INTS9: variants seen among roughly 807,000 people sequenced by gnomAD.
INTS9 encodes integrator complex subunit 9, also known as protein related to CPSF subunits of 74 kDa.
In INTS9, 55 loss-of-function variants were observed where a neutral mutation model predicts 79.7. That is an observed-to-expected ratio of 0.69 (90% CI 0.56 to 0.86). INTS9 has a LOEUF of 0.86. Ranked by LOEUF, INTS9 falls within the 40% of genes least tolerant of loss-of-function variation. INTS9 has a pLI of 0.00. For synonymous variants in INTS9, 319 were observed against 325.2 expected, an observed-to-expected ratio of 0.98 and a Z score of 0.20; for missense variants, 721 against 831.5, an observed-to-expected ratio of 0.87 and a Z score of 1.64.
chr8:28,834,910 C>G (rs1416848419), intron 6 of INTS9, among the ~76,000 whole-genome samples: 1 of 152,334 alleles, frequency 6.6e-6, no homozygotes, highest in East Asian at 1.9e-4. Flanking sequence ...CTCCCAAACT[C>G]AGGTGATCTG....
At chr8:28,808,624 C>T (rs1427215477) in intron 8 of INTS9, among the ~76,000 whole-genome samples, 1 of 152,222 alleles carries the variant, frequency 6.6e-6, no homozygotes, top group Admixed American at 6.5e-5. Context: ...CAACAAATGT[C>T]CCTCTGCCAA....
At chr8:28,880,250 CTCTCCCTCTCCCTCTCCCTCTCCCTCT>C (rs1424742309) in intron 1 of INTS9, among the ~76,000 whole-genome samples, 2 of 141,864 alleles carry the variant, frequency 1.4e-5, no homozygotes, top group African/African-American at 5.5e-5. Flanking sequence ...CTCCCTCTCC[CTCTCCCTCTCCCTCTCCCTCTCCCTCT>C]CTCTCCCTCC....
chr8:28,775,501 A>G (rs900221554), intron 14 of INTS9, among the ~76,000 whole-genome samples: 1 of 152,020 alleles, frequency 6.6e-6, no homozygotes. Flanking sequence ...ACACCTGGCT[A>G]CTTTTTTTGT....
intron 1 of INTS9, among the ~76,000 whole-genome samples, chr8:28,871,629 C>A (rs988645555): frequency 2.0e-5 from 3 of 152,098 alleles, no homozygotes; most frequent in Non-Finnish European, 4.4e-5. Context: ...TGGTCCTGAA[C>A]TCCTGGGCTC....
intron 4 of INTS9, among the ~76,000 whole-genome samples, chr8:28,846,491 A>G (rs1385543126): frequency 6.6e-6 from 1 of 152,212 alleles, no homozygotes; most frequent in Non-Finnish European, 1.5e-5. Context: ...GCTCAAAACT[A>G]TGCCCTACTA....
At chr8:28,805,255 C>T (rs564944345) in intron 8 of INTS9, among the ~76,000 whole-genome samples, 2 of 152,136 alleles carry the variant, frequency 1.3e-5, no homozygotes, top group Non-Finnish European at 2.9e-5. Context: ...TGACAACAAG[C>T]GATACAAGTG....
At chr8:28,843,732 C>CTT (rs1296506436) in intron 4 of INTS9, among the ~76,000 whole-genome samples, 1 of 143,192 alleles carries the variant, frequency 7.0e-6, no homozygotes, top group Non-Finnish European at 1.5e-5. Flanking sequence ...CTTCCTTTTT[C>CTT]TTTTTTTTTT....
intron 1 of INTS9, among the ~76,000 whole-genome samples, chr8:28,881,323 G>A (rs1809777763): frequency 7.1e-6 from 1 of 140,214 alleles, no homozygotes; most frequent in African/African-American, 2.7e-5. Flanking sequence ...CCCCCGCCTG[G>A]CCAGCCGCCC....
rs1209577991 is a variant in INTS9, at chr8:28,808,287, G to C, written c.744+4040C>G. ...CGGCTCACTGCAACCTCCACCTCCT[G>C]GGTTCAAGCGATTCTCCTGCCTCAG... is the stretch of plus-strand genomic sequence containing the variant. On this transcript the variant is annotated intron_variant, in intron 8 of 16. Coordinates refer to ENST00000521022, the MANE Select transcript of INTS9 (RefSeq NM_018250.4). 4.0e-5 allele frequency among the ~76,000 whole-genome samples: 6 copies of C among 151,438 alleles called. No homozygotes were observed. In the East Asian group the frequency reaches 1.2e-3, roughly 30 times the overall value.
rs1304693130 is a variant in INTS9, at chr8:28,889,862, G to A, written c.9+12C>T. The A allele has an allele frequency of 2.5e-6, 4 of 1,613,792 alleles. No homozygotes were observed. The highest frequency in any genetic ancestry group is 3.4e-6 in the Non-Finnish European group (4 of 1,179,884). ...ATCACCTTTGCCCTCTGACCTAGGA[G>A]CGAAGACTCACCAGTTTCATAATGG... On this transcript the variant is annotated intron_variant, in intron 1 of 16. Coordinates refer to ENST00000521022, the MANE Select transcript of INTS9 (RefSeq NM_018250.4).
At chr8:28,864,712 A>G (rs768188562) in intron 1 of INTS9, among the ~76,000 whole-genome samples, 2 of 152,320 alleles carry the variant, frequency 1.3e-5, no homozygotes, top group African/African-American at 4.8e-5. Context: ...TGAGAATGAG[A>G]TATGGAATCC....
At chr8:28,879,636 A>T (rs922517955) in intron 1 of INTS9, among the ~76,000 whole-genome samples, 1 of 152,210 alleles carries the variant, frequency 6.6e-6, no homozygotes, top group African/African-American at 2.4e-5. Context: ...CCACACAGTC[A>T]TAACAGCCAA....
At chr8:28,870,716 T>A (rs1271600494) in intron 1 of INTS9, among the ~76,000 whole-genome samples, 1 of 151,480 alleles carries the variant, frequency 6.6e-6, no homozygotes, top group Non-Finnish European at 1.5e-5. Context: ...TACTAGGGAG[T>A]TGCTGGTCAC....
chr8:28,801,942 A>C (rs963469254), intron 8 of INTS9, among the ~76,000 whole-genome samples: 30 of 152,142 alleles, frequency 2.0e-4, no homozygotes, highest in African/African-American at 7.0e-4. Context: ...CCTCAAGAAA[A>C]TGAGCCAATA....
chr8:28,852,982 C>T (rs1017235983), intron 2 of INTS9, among the ~76,000 whole-genome samples: 1 of 152,130 alleles, frequency 6.6e-6, no homozygotes, highest in Non-Finnish European at 1.5e-5. Context: ...TTACTGTGTT[C>T]CAATGAGTTA....
At chr8:28,864,850 G>C (rs1808649261) in intron 1 of INTS9, among the ~76,000 whole-genome samples, 1 of 152,048 alleles carries the variant, frequency 6.6e-6, no homozygotes, top group Admixed American at 6.6e-5. Context: ...GCCCAGCATG[G>C]TGGTGCACAC....
intron 2 of INTS9, among the ~76,000 whole-genome samples, chr8:28,851,407 G>A (rs1465023578): frequency 6.6e-6 from 1 of 151,824 alleles, no homozygotes; most frequent in Non-Finnish European, 1.5e-5. Context: ...AGAATTGGGG[G>A]TGGGGTAAGT....
In INTS9 at chr8:28,782,676, GAGACAA is replaced by G. The variant is rs1279705970; in HGVS notation, c.1099-1688_1099-1683del. 8.5e-5 allele frequency among the ~76,000 whole-genome samples: 13 copies of G among 152,316 alleles called. No homozygotes were observed. The East Asian group carries it at 1.9e-3, about 23-fold the overall frequency. ...TACGCCTGTAATTCCAGCACTTTGG[GAGACAA>G]AGACAAGAGGATTGCTTGAGCCCAG... On this transcript the variant is annotated intron_variant, in intron 11 of 16. Coordinates refer to ENST00000521022, the MANE Select transcript of INTS9 (RefSeq NM_018250.4).
intron 6 of INTS9, among the ~76,000 whole-genome samples, chr8:28,823,384 C>T (rs1404141595): frequency 6.6e-6 from 1 of 151,828 alleles, no homozygotes; most frequent in African/African-American, 2.4e-5. Context: ...ACCAGCAAAC[C>T]TTGTTAAACC....
Sources: gnomAD v4.1 joint callset for allele counts (sites outside exome capture counted in the v4.1 genomes callset) on GRCh38, gnomAD v4.1.1 for gene constraint, MANE v1.5 for transcripts, NCBI Gene and HGNC (gene_info 2026-07-23, HGNC 2026-07-21) for gene names.